Variants in TMOD2 observed in about 807,000 individuals in gnomAD.
The protein encoded by TMOD2 is tropomodulin-2.
A neutral mutation model predicts 39.9 loss-of-function variants in TMOD2; 22 were observed. That is an observed-to-expected ratio of 0.55 (90% CI 0.39 to 0.79). The LOEUF (loss-of-function observed/expected upper bound fraction) is 0.79. Ranked by LOEUF, TMOD2 falls within the 30% of genes least tolerant of loss-of-function variation. The pLI is 0.00. For synonymous variants in TMOD2, 123 were observed against 146.1 expected (o/e 0.84, Z 1.14); for missense variants, 386 against 413.3 (o/e 0.93, Z 0.57).
At chr15:51,781,277 G>T in intron 6 of TMOD2, 103 bp downstream of exon 6, 1 of 1,082,460 alleles carries the variant, frequency 9.2e-7, no homozygotes, top group Non-Finnish European at 1.3e-6. Flanking sequence ...GCAGTTCTTT[G>T]TAGTCACTGA....
chr15:51,815,697 A>G lies in TMOD2; in HGVS notation c.*7243A>G, dbSNP rs1459062957. 6.6e-6 allele frequency: 1 copy of G among 152,222 alleles called. No individual in the cohort carries two copies. Among genetic ancestry groups the G allele is most frequent in the Non-Finnish European group, 1.5e-5 (1 of 68,042 alleles). 9.4% of individuals were successfully genotyped at this position (152,222 alleles called of 1,614,324 possible). A position where few individuals can be genotyped will look rare whatever the true frequency, so the allele number is the denominator to read the frequency against. On this transcript the variant is annotated 3_prime_UTR_variant, in exon 10 of 10. Transcript: ENST00000249700. ...TTTAAAAACAAAAACCCTTATATAC[A>G]TGGAATAGTTATATTTTAATTAAGC...
At position 51,816,273 on chromosome 15, in the gene TMOD2, G is replaced by T. The variant is rs2056187764; in HGVS notation, c.*7819G>T. On this transcript the variant is annotated 3_prime_UTR_variant, in exon 10 of 10. Transcript: ENST00000249700. ...AATTAAGATCTTTCTGCTTTCGAAG[G>T]TATAATGTATCTATTTCTGTCAGGA... 2 of 152,136 alleles carry T rather than the reference G, an allele frequency of 1.3e-5. No individual in the cohort carries two copies. The highest frequency in any genetic ancestry group is 2.4e-5 in the African/African-American group (1 of 41,428). 9.4% of individuals were successfully genotyped at this position (152,136 alleles called of 1,614,324 possible). A position where few individuals can be genotyped will look rare whatever the true frequency, so the allele number is the denominator to read the frequency against.
intron 5 of TMOD2, 104 bp from the exon 6 acceptor site, chr15:51,780,940 G>A: frequency 1.1e-6 from 1 of 887,874 alleles, no homozygotes; most frequent in Non-Finnish European, 1.7e-6. Context: ...CTATTAAAGT[G>A]TTATTGGAAT....
At chr15:51,758,078 T>A (rs2055754666) in intron 1 of TMOD2, among the ~76,000 whole-genome samples, 1 of 148,154 alleles carries the variant, frequency 6.7e-6, no homozygotes, top group East Asian at 1.9e-4. Flanking sequence ...AGACCCTATT[T>A]CTAATAATAA....
At chr15:51,760,301 T>C (rs1357254224) in intron 1 of TMOD2, among the ~76,000 whole-genome samples, 1 of 152,220 alleles carries the variant, frequency 6.6e-6, no homozygotes, top group Non-Finnish European at 1.5e-5. Context: ...ACTGTATTCC[T>C]TTCTGAAGGC....
rs375763403 is a variant in TMOD2 at position 51,799,648 on chromosome 15, C to T, written c.876+1308C>T. Reference sequence around the variant, plus strand: ...CCAGGGGATGTGCCACACAGGGCCCCGCACACTCAGGAAGTTCGATGCTGT... The same window carrying T: ...CCAGGGGATGTGCCACACAGGGCCCTGCACACTCAGGAAGTTCGATGCTGT... On this transcript the variant is annotated intron_variant, in intron 8 of 9. Coordinates refer to ENST00000249700, the MANE Select transcript of TMOD2 (RefSeq NM_014548.4). 4.6e-5 allele frequency among the ~76,000 whole-genome samples: 7 copies of T among 152,258 alleles called. No homozygotes were observed. In the East Asian group the frequency reaches 5.8e-4, roughly 13 times the overall value.
Position 51,784,458 on chromosome 15 carries a change from A to G in TMOD2, c.732+1630A>G, listed in dbSNP as rs550528549. On this transcript the variant is annotated intron_variant, in intron 7 of 9. Coordinates refer to ENST00000249700, the MANE Select transcript of TMOD2 (RefSeq NM_014548.4). The stretch of plus-strand genomic sequence containing the variant: ...CCTGGCACAGAATAGATGTTTGACA[A>G]GTACTTGTTAAATAAATGAATGATC... 4 of 152,372 alleles carry G rather than the reference A, an allele frequency of 2.6e-5. 1 individual carries two copies. The highest frequency in any genetic ancestry group is 7.2e-5 in the African/African-American group (3 of 41,592). 9.4% of individuals were successfully genotyped at this position (152,372 alleles called of 1,614,324 possible). A position where few individuals can be genotyped will look rare whatever the true frequency, so the allele number is the denominator to read the frequency against.
chr15:51,779,122 A>ATTATTT (rs991244911), intron 5 of TMOD2, among the ~76,000 whole-genome samples: 13 of 152,164 alleles, frequency 8.5e-5, no homozygotes, highest in African/African-American at 2.4e-4. Context: ...CACTCAGTTA[A>ATTATTT]TTATTTTTAT....
At chr15:51,789,335 T>G (rs999658512) in intron 7 of TMOD2, among the ~76,000 whole-genome samples, 2 of 152,190 alleles carry the variant, frequency 1.3e-5, no homozygotes, top group Non-Finnish European at 2.9e-5. Flanking sequence ...ATGCACCCAA[T>G]ACAGGAGCAC....
At position 51,798,286 on chromosome 15, in the gene TMOD2, G is replaced by C. The variant is rs750929841; in HGVS notation, c.822G>C (p.Leu274=). 28 of 1,613,754 alleles carry C rather than the reference G, an allele frequency of 1.7e-5. No individual in the cohort carries two copies. The highest frequency in any genetic ancestry group is 6.7e-5 in the Admixed American group (4 of 59,940). Residue 274 remains leucine (L), a synonymous_variant, in exon 8 of 10, where the codon CTG becomes CTC. Coordinates refer to ENST00000249700, the MANE Select transcript of TMOD2 (RefSeq NM_014548.4). ...TCACTGGAACTGGGATCCTGGCCCT[G>C]GTAGAGGCACTGAAAGAAAATGACA... ...NFITGTGILA[L]VEALKENDTL...
chr15:51,805,862 A>G (rs183386150), intron 8 of TMOD2, among the ~76,000 whole-genome samples: 88 of 152,356 alleles, frequency 5.8e-4, no homozygotes, highest in African/African-American at 2.0e-3. Context: ...CAATATTGTG[A>G]TTGTACTATA....
At chr15:51,794,142 G>C (rs1033891241) in intron 7 of TMOD2, among the ~76,000 whole-genome samples, 4 of 152,144 alleles carry the variant, frequency 2.6e-5, no homozygotes, top group Admixed American at 1.3e-4. Flanking sequence ...ATGGGGAGGA[G>C]TGCTATTGAC....
At chr15:51,791,395 A>G (rs1283672570) in intron 7 of TMOD2, among the ~76,000 whole-genome samples, 1 of 152,250 alleles carries the variant, frequency 6.6e-6, no homozygotes, top group Non-Finnish European at 1.5e-5. Flanking sequence ...GCTCATGGAT[A>G]GGAAGAATCA....
In TMOD2 at chr15:51,751,634, C is replaced by T. The variant is rs1461279103; in HGVS notation, c.-148C>T. 5.3e-6 allele frequency: 1 copy of T among 189,218 alleles called. No individual in the cohort carries two copies. Among genetic ancestry groups the T allele is most frequent in the Non-Finnish European group, 1.1e-5 (1 of 93,122 alleles). The allele number at this position is 189,218 out of a possible 1,614,324, so 11.7% of individuals were successfully genotyped here. ...GCTCGCCCCGGCCACGGCGCCGCCC[C>T]TGTTCTCCCGGCCCCGCTCCACCGG... On this transcript the variant is annotated 5_prime_UTR_variant, in exon 1 of 10. Transcript: ENST00000249700.
At chr15:51,790,071 G>T (rs1438758455) in intron 7 of TMOD2, among the ~76,000 whole-genome samples, 1 of 152,144 alleles carries the variant, frequency 6.6e-6, no homozygotes, top group Non-Finnish European at 1.5e-5. Flanking sequence ...GAATCCAGGA[G>T]CTGGTTTTTT....
chr15:51,806,716 AT>A (rs2056124354), intron 9 of TMOD2, among the ~76,000 whole-genome samples, 195 bp downstream of exon 9: 4 of 151,960 alleles, frequency 2.6e-5, no homozygotes, highest in African/African-American at 9.7e-5. Context: ...TCATCATAGC[AT>A]TTTCTCAAAA....
chr15:51,793,987 C>T (rs533926754), intron 7 of TMOD2, among the ~76,000 whole-genome samples: 1 of 152,278 alleles, frequency 6.6e-6, no homozygotes, highest in Non-Finnish European at 1.5e-5. Context: ...AGTGTAAATC[C>T]AAATTGTTGA....
At chr15:51,775,510 ATG>A (rs1248951202) in intron 4 of TMOD2, among the ~76,000 whole-genome samples, 2 of 151,184 alleles carry the variant, frequency 1.3e-5, no homozygotes, top group Non-Finnish European at 2.9e-5. Flanking sequence ...TGTTTATCAA[ATG>A]GGACACCTTC....
rs1323447105 is a variant in TMOD2, at chr15:51,810,054, A to C, written c.*1600A>C. 1 of 152,140 alleles carries C rather than the reference A, an allele frequency of 6.6e-6. No individual in the cohort carries two copies. The highest frequency in any genetic ancestry group is 2.4e-5 in the African/African-American group (1 of 41,420). The allele number at this position is 152,140 out of a possible 1,614,324, so 9.4% of individuals were successfully genotyped here. On this transcript the variant is annotated 3_prime_UTR_variant, in exon 10 of 10. Transcript: ENST00000249700. ...GAGAACACCATAAGCAGAATATTCT[A>C]ACACCTTTGGCCCCTGAAAATCCTT... is the stretch of plus-strand genomic sequence containing the variant.
Sources: allele counts gnomAD v4.1 joint callset (sites outside exome capture counted in the v4.1 genomes callset), GRCh38; gene constraint gnomAD v4.1.1; transcripts MANE v1.5; gene names NCBI Gene and HGNC (gene_info 2026-07-23, HGNC 2026-07-21).